WDHD1: variants seen among roughly 807,000 people sequenced by gnomAD.
The protein encoded by WDHD1 is WD repeat and HMG-box DNA-binding protein 1.
WDHD1 carries 111 observed loss-of-function variants against 135.4 expected under a neutral mutation model. The observed-to-expected ratio is 0.82, with a 90% CI of 0.70 to 0.96. WDHD1 has a LOEUF of 0.96. WDHD1 is among the 40% of genes least tolerant of loss of function. The probability of loss-of-function intolerance (pLI) is 0.00; values close to 1 mark genes in which losing one functional copy is unlikely to be tolerated. For missense variants in WDHD1, 1,351 were observed against 1,336.3 expected (o/e 1.01, Z -0.17); for synonymous variants, 434 against 439.0 (o/e 0.99, Z 0.14).
At chr14:55,022,640 C>A (rs2042368181) in intron 2 of WDHD1, among the ~76,000 whole-genome samples, 1 of 151,848 alleles carries the variant, frequency 6.6e-6, no homozygotes, top group African/African-American at 2.4e-5. Context: ...TAAGATCGCG[C>A]CACTGCACTC....
intron 2 of WDHD1, among the ~76,000 whole-genome samples, chr14:55,024,497 T>C (rs2042399937): frequency 6.6e-6 from 1 of 152,228 alleles, no homozygotes; most frequent in Non-Finnish European, 1.5e-5. Context: ...TTTACTCTTT[T>C]CTACACACCC....
At chr14:54,963,534 G>T (rs1445511195) in intron 18 of WDHD1, among the ~76,000 whole-genome samples, 1 of 152,168 alleles carries the variant, frequency 6.6e-6, no homozygotes, top group African/African-American at 2.4e-5. Context: ...GCTGGGCACG[G>T]TGGCTCACGC....
At chr14:54,944,625 T>C (rs1488606587) in intron 24 of WDHD1, 155 bp from the exon 25 acceptor site, 1 of 745,292 alleles carries the variant, frequency 1.3e-6, no homozygotes, top group Non-Finnish European at 1.9e-6. Context: ...ACTTTTTTTT[T>C]TTTTTTTTTT....
At chr14:54,966,340 A>ACAAC in intron 18 of WDHD1, 135 bp downstream of exon 18, 1 of 1,033,074 alleles carries the variant, frequency 9.7e-7, no homozygotes, top group Non-Finnish European at 1.3e-6. Flanking sequence ...GTCGCACAAA[A>ACAAC]AACAACAACA....
chr14:54,995,895 T>C (rs757717927), intron 10 of WDHD1, 82 bp from the exon 11 acceptor site: 1 of 1,102,860 alleles, frequency 9.1e-7, no homozygotes, highest in Non-Finnish European at 1.2e-6. Flanking sequence ...ACTTTTAATA[T>C]GCACCTATAA....
chr14:54,942,306 G>C (rs2040853179), intron 25 of WDHD1, among the ~76,000 whole-genome samples: 1 of 151,916 alleles, frequency 6.6e-6, no homozygotes, highest in Non-Finnish European at 1.5e-5. Flanking sequence ...TTTATTCTAA[G>C]ATAATTGCAG....
At chr14:55,016,067 T>C (rs1383273274) in intron 2 of WDHD1, among the ~76,000 whole-genome samples, 3 of 152,234 alleles carry the variant, frequency 2.0e-5, no homozygotes, top group East Asian at 1.9e-4. Flanking sequence ...TGCCAGTTGG[T>C]GGGACCAATG....
At chr14:54,960,733 T>A (rs1316458301) in intron 21 of WDHD1, among the ~76,000 whole-genome samples, 2 of 151,524 alleles carry the variant, frequency 1.3e-5, no homozygotes, top group African/African-American at 4.9e-5. Flanking sequence ...CTTGAACTCC[T>A]GACCTCAAGT....
intron 16 of WDHD1, among the ~76,000 whole-genome samples, chr14:54,974,330 G>A (rs1227846094): frequency 1.3e-5 from 2 of 151,924 alleles, no homozygotes; most frequent in South Asian, 2.1e-4. Flanking sequence ...CTACTCGGAA[G>A]GCGGAGGACG....
chr14:55,009,465 T>G (rs1421859667), intron 4 of WDHD1, among the ~76,000 whole-genome samples: 1 of 151,582 alleles, frequency 6.6e-6, no homozygotes, highest in East Asian at 1.9e-4. Context: ...AGAGTTTCAC[T>G]CTTGTTGCCC....
chr14:55,005,676 G>C (rs2042054797), intron 7 of WDHD1: 1 of 514,546 alleles, frequency 1.9e-6, no homozygotes, highest in Admixed American at 2.6e-5. Context: ...AGGACATAGA[G>C]GTTCTAGACA....
At chr14:54,965,910 T>G (rs1419222664) in intron 18 of WDHD1, among the ~76,000 whole-genome samples, 4 of 149,474 alleles carry the variant, frequency 2.7e-5, no homozygotes. Flanking sequence ...AAGCCAAGAC[T>G]GCACAACTGC....
chr14:54,994,215 C>T (rs929843131), intron 11 of WDHD1, among the ~76,000 whole-genome samples: 1 of 152,100 alleles, frequency 6.6e-6, no homozygotes, highest in Non-Finnish European at 1.5e-5. Context: ...TTAATAGATA[C>T]AATACTATTC....
At chr14:54,970,648 G>T (rs1215517435) in intron 16 of WDHD1, among the ~76,000 whole-genome samples, 1 of 145,684 alleles carries the variant, frequency 6.9e-6, no homozygotes, top group Non-Finnish European at 1.5e-5. Flanking sequence ...AAAGAAAGAA[G>T]AAAGAAAAAG....
intron 2 of WDHD1, among the ~76,000 whole-genome samples, chr14:55,025,864 G>A (rs2042428847): frequency 6.6e-6 from 1 of 152,000 alleles, no homozygotes; most frequent in Non-Finnish European, 1.5e-5. Flanking sequence ...CCACCCCACC[G>A]CCACCACCAC....
chr14:54,962,672 A>G lies in WDHD1; in HGVS notation c.2647+66T>C, dbSNP rs1325917721. On this transcript the variant is annotated intron_variant, in intron 20 of 25. Transcript: ENST00000360586. Reference sequence around the variant, plus strand: ...ATGAGTATTCAATTTCCCTCAGTTAAGCAAAATGGGAAAAGCCACATCCAT... The same window carrying G: ...ATGAGTATTCAATTTCCCTCAGTTAGGCAAAATGGGAAAAGCCACATCCAT... The G allele has an allele frequency of 2.5e-6, 4 of 1,582,082 alleles. No homozygotes were observed. The Admixed American group carries it at 5.1e-5, about 20-fold the overall frequency.
At chr14:54,981,192 AATAT>A (rs1196056680) in intron 16 of WDHD1, among the ~76,000 whole-genome samples, 1 of 109,838 alleles carries the variant, frequency 9.1e-6, no homozygotes, top group African/African-American at 4.7e-5. Flanking sequence ...TTCTCAATTG[AATAT>A]ATATTGTTTT....
At position 54,941,640 on chromosome 14, in the gene WDHD1, T is replaced by C; in HGVS notation, c.3240A>G (p.Ala1080=). ...CATCAACCACACGTTTTCGCTTCTT[T>C]GCTTCAGTTCCTTCACTTGCCGTTT... ...KGETASEGTE[A]KKRKRVVDES... The change falls in exon 26 of 26, where the codon GCA becomes GCG. Residue 1080 remains alanine, a synonymous_variant. Transcript: ENST00000360586. 1 of 1,614,036 alleles carries C rather than the reference T, an allele frequency of 6.2e-7. No individual in the cohort carries two copies. Among genetic ancestry groups the C allele is most frequent in the South Asian group, 1.1e-5 (1 of 91,054 alleles).
At chr14:54,949,379 A>T (rs1156988854) in intron 24 of WDHD1, among the ~76,000 whole-genome samples, 1 of 152,236 alleles carries the variant, frequency 6.6e-6, no homozygotes, top group African/African-American at 2.4e-5. Flanking sequence ...AGCCAATTCA[A>T]TCAACTGGAA....
Sources: gnomAD v4.1 joint callset for allele counts (sites outside exome capture counted in the v4.1 genomes callset) on GRCh38, gnomAD v4.1.1 for gene constraint, MANE v1.5 for transcripts, NCBI Gene and HGNC (gene_info 2026-07-23, HGNC 2026-07-21) for gene names.